The following ME3 variants were observed in gnomAD, a reference collection of about 807,000 sequenced individuals.
The protein encoded by ME3 is malic enzyme 3.
Under a neutral mutation model 68.9 loss-of-function variants are expected in ME3, and 48 were observed. The ratio of observed to expected loss-of-function variants is 0.70; its 90% CI spans 0.55 to 0.89. The LOEUF (loss-of-function observed/expected upper bound fraction) is 0.89. ME3 is among the 40% of genes least tolerant of loss of function. The pLI is 0.00. For synonymous variants in ME3, 320 were observed against 318.8 expected, an observed-to-expected ratio of 1.00 and a Z score of -0.04; for missense variants, 675 against 797.4, an observed-to-expected ratio of 0.85 and a Z score of 1.85.
chr11:86,496,510 A>G (rs925962011), intron 6 of ME3, among the ~76,000 whole-genome samples: 1 of 152,250 alleles, frequency 6.6e-6, no homozygotes, highest in Non-Finnish European at 1.5e-5. Context: ...AAGAGAAATC[A>G]CTGCAGAATG....
At chr11:86,565,272 C>G (rs1957427896) in intron 2 of ME3, among the ~76,000 whole-genome samples, 1 of 152,148 alleles carries the variant, frequency 6.6e-6, no homozygotes, top group Non-Finnish European at 1.5e-5. Context: ...CTGACTGGTA[C>G]ATTGCTGGTG....
chr11:86,449,261 C>G (rs1478859791), intron 10 of ME3, among the ~76,000 whole-genome samples: 1 of 152,180 alleles, frequency 6.6e-6, no homozygotes, highest in Non-Finnish European at 1.5e-5. Context: ...TCAGTTGTGT[C>G]TCTCAACACG....
chr11:86,541,395 G>A (rs796545416), intron 4 of ME3, among the ~76,000 whole-genome samples: 1 of 152,182 alleles, frequency 6.6e-6, no homozygotes. Flanking sequence ...AAGATCCACT[G>A]GCTTGAAATT....
intron 4 of ME3, among the ~76,000 whole-genome samples, chr11:86,518,843 G>C (rs538077740): frequency 5.3e-5 from 8 of 152,198 alleles, no homozygotes; most frequent in Non-Finnish European, 8.8e-5. Flanking sequence ...GAGAAGACAG[G>C]GACATGCAGG....
chr11:86,436,820 G>T (rs1404066330), downstream of ME3: 1 of 152,032 alleles, frequency 6.6e-6, no homozygotes, highest in Non-Finnish European at 1.5e-5. Flanking sequence ...TAGTAATTTT[G>T]ATTAAATTAG....
chr11:86,508,589 T>C (rs1166382476), intron 5 of ME3, among the ~76,000 whole-genome samples: 2 of 152,190 alleles, frequency 1.3e-5, no homozygotes, highest in Non-Finnish European at 2.9e-5. Context: ...TGAAGGGCAA[T>C]GTCACATGGA....
At chr11:86,523,744 A>G (rs942239104) in intron 4 of ME3, among the ~76,000 whole-genome samples, 1 of 152,150 alleles carries the variant, frequency 6.6e-6, no homozygotes, top group African/African-American at 2.4e-5. Context: ...GCTGATGAAG[A>G]AGGCCTTGAA....
intron 8 of ME3, chr11:86,457,465 CCCA>C: frequency 9.8e-7 from 1 of 1,020,884 alleles, no homozygotes. Context: ...GGTACTGTTG[CCCA>C]TTTTTTTCCT....
intron 2 of ME3, among the ~76,000 whole-genome samples, chr11:86,609,502 G>A (rs2135182949): frequency 6.6e-6 from 1 of 152,286 alleles, no homozygotes; most frequent in South Asian, 2.1e-4. Flanking sequence ...AAATGAATCA[G>A]TGAATGATTG....
rs1275152237 is a variant in ME3 at position 86,617,760 on chromosome 11, CAAAGGAT to C, written c.183+53995_183+54001del. Among the ~76,000 whole-genome samples the C allele has an allele frequency of 5.3e-5, 8 of 152,144 alleles. No homozygotes were observed. The East Asian group carries it at 1.5e-3, about 29-fold the overall frequency. On this transcript the variant is annotated intron_variant, in intron 2 of 14. Transcript: ENST00000543262. The stretch of plus-strand genomic sequence containing the variant: ...ATGTGAAGAGGAAAGGAAAAATAAC[CAAAGGAT>C]AAAGAAAAATATACTTTGGCTCTTT...
chr11:86,516,082 T>C (rs1224717523), intron 4 of ME3, among the ~76,000 whole-genome samples: 2 of 152,170 alleles, frequency 1.3e-5, no homozygotes, highest in Admixed American at 6.5e-5. Context: ...GCTGAGAACA[T>C]GGGCATCTGG....
chr11:86,567,886 T>G (rs1394313910), intron 2 of ME3, among the ~76,000 whole-genome samples: 1 of 152,174 alleles, frequency 6.6e-6, no homozygotes, highest in Admixed American at 6.5e-5. Context: ...ACAAAAGAAA[T>G]AAACTTTGCT....
At chr11:86,525,116 T>C (rs528861388) in intron 4 of ME3, among the ~76,000 whole-genome samples, 3 of 152,348 alleles carry the variant, frequency 2.0e-5, no homozygotes, top group African/African-American at 7.2e-5. Flanking sequence ...TCAGACAGAC[T>C]TAGACCCAAA....
At chr11:86,575,737 C>G (rs1005175519) in intron 2 of ME3, among the ~76,000 whole-genome samples, 1 of 152,240 alleles carries the variant, frequency 6.6e-6, no homozygotes, top group Non-Finnish European at 1.5e-5. Context: ...ATTTGTGAGT[C>G]TGTTCTCCCC....
intron 4 of ME3, among the ~76,000 whole-genome samples, chr11:86,514,896 G>A (rs954519416): frequency 7.2e-5 from 11 of 152,160 alleles, no homozygotes; most frequent in African/African-American, 2.2e-4. Context: ...GATCGCCTGG[G>A]CTCAGATGCT....
intron 2 of ME3, chr11:86,668,130 T>C (rs1318365305): frequency 1.3e-5 from 2 of 152,140 alleles, no homozygotes; most frequent in Non-Finnish European, 2.9e-5. Flanking sequence ...CAGTTGTGAA[T>C]TGCCATCATT....
intron 4 of ME3, among the ~76,000 whole-genome samples, chr11:86,550,242 C>T (rs1332627064): frequency 6.6e-6 from 1 of 152,120 alleles, no homozygotes; most frequent in Non-Finnish European, 1.5e-5. Context: ...TACCATGGAT[C>T]ACTTAAAAAT....
Position 86,639,823 on chromosome 11 carries a change from C to T in ME3, c.183+31939G>A, listed in dbSNP as rs147670717. ...AAACATAGTTTTGCTTTCAGGGTTA[C>T]GTGGTTGAAAGTCTCTAAGAAGGGC... On this transcript the variant is annotated intron_variant, in intron 2 of 14. Transcript: ENST00000543262. Among the ~76,000 whole-genome samples, 501 of 152,260 alleles carry T rather than the reference C, an allele frequency of 3.3e-3. 2 individuals are homozygous for T. The highest frequency in any genetic ancestry group is 0.011 in the African/African-American group (451 of 41,556).
chr11:86,502,225 C>G (rs1952772110), intron 5 of ME3, among the ~76,000 whole-genome samples: 2 of 146,972 alleles, frequency 1.4e-5, no homozygotes, highest in African/African-American at 5.5e-5. Flanking sequence ...TTTCAAGGAA[C>G]AGTTCAAAAA....
Sources: allele counts gnomAD v4.1 joint callset (sites outside exome capture counted in the v4.1 genomes callset), GRCh38; gene constraint gnomAD v4.1.1; transcripts MANE v1.5; gene names NCBI Gene and HGNC (gene_info 2026-07-23, HGNC 2026-07-21).